CACNB2: variants seen among roughly 807,000 people sequenced by gnomAD.
The protein encoded by CACNB2 is calcium voltage-gated channel auxiliary subunit beta 2, also known as voltage-dependent L-type calcium channel subunit beta-2.
Under a neutral mutation model 73.3 loss-of-function variants are expected in CACNB2, and 42 were observed. The ratio of observed to expected loss-of-function variants is 0.57; its 90% confidence interval spans 0.45 to 0.74. CACNB2 has a LOEUF of 0.74. CACNB2 is among the 30% of genes least tolerant of loss of function. The pLI, the probability that CACNB2 is intolerant of heterozygous loss-of-function variation, is 0.00. For missense variants in CACNB2, 940 were observed against 853.0 expected, an observed-to-expected ratio of 1.10 and a Z score of -1.27; for synonymous variants, 348 against 310.3, an observed-to-expected ratio of 1.12 and a Z score of -1.28.
intron 2 of CACNB2, among the ~76,000 whole-genome samples, chr10:18,304,600 T>C (rs992221895): frequency 3.3e-5 from 5 of 152,144 alleles, no homozygotes; most frequent in African/African-American, 1.2e-4. Context: ...CCAGGCTTCG[T>C]GGGCTAGGGA....
intron 2 of CACNB2, among the ~76,000 whole-genome samples, chr10:18,246,265 T>C (rs1353210337): frequency 6.6e-6 from 1 of 152,194 alleles, no homozygotes; most frequent in African/African-American, 2.4e-5. Flanking sequence ...GAAGGATGGT[T>C]ACAATAATTA....
chr10:18,531,174 A>G (rs1037615828), intron 10 of CACNB2, among the ~76,000 whole-genome samples: 1 of 152,226 alleles, frequency 6.6e-6, no homozygotes, highest in African/African-American at 2.4e-5. Context: ...AGCCGCAATG[A>G]AAGTAACCAT....
At chr10:18,326,260 A>T (rs55944448) in intron 2 of CACNB2, among the ~76,000 whole-genome samples, 1,611 of 152,328 alleles carry the variant, frequency 0.011, 33 homozygotes, top group African/African-American at 0.036. Flanking sequence ...CCTTGAGTCA[A>T]AATTGGAATT....
rs558819492 is a variant in CACNB2 at position 18,447,633 on chromosome 10, AC to A, written c.333+45591del. 1.3e-4 allele frequency among the ~76,000 whole-genome samples: 20 copies of A among 152,182 alleles called. No individual in the cohort carries two copies. The South Asian group carries it at 4.2e-3, about 32-fold the overall frequency. On this transcript the variant is annotated intron_variant, in intron 3 of 13. Coordinates refer to ENST00000324631, the MANE Select transcript of CACNB2 (RefSeq NM_201596.3). ...GGAGCTTTAAAGTTTGGAAAATAAGACATGATCACTGGCTTTGGAAAGAATT... is the reference window on the plus strand; with the variant it reads ...GGAGCTTTAAAGTTTGGAAAATAAGAATGATCACTGGCTTTGGAAAGAATT...
intron 2 of CACNB2, among the ~76,000 whole-genome samples, chr10:18,280,519 T>C (rs1391900986): frequency 6.6e-6 from 1 of 152,088 alleles, no homozygotes; most frequent in Non-Finnish European, 1.5e-5. Flanking sequence ...AAAGGTACTC[T>C]CTTTGAGTGG....
At chr10:18,494,230 A>T (rs1381412437) in intron 3 of CACNB2, among the ~76,000 whole-genome samples, 2 of 152,182 alleles carry the variant, frequency 1.3e-5, no homozygotes, top group Admixed American at 1.3e-4. Context: ...GGTAGAAGTC[A>T]TAAGATTTTC....
At chr10:18,504,218 G>T (rs560304004) in intron 5 of CACNB2, among the ~76,000 whole-genome samples, 5 of 152,178 alleles carry the variant, frequency 3.3e-5, no homozygotes, top group Non-Finnish European at 7.4e-5. Context: ...ACAGGTCACA[G>T]ATGAGAAAAC....
chr10:18,403,917 C>T (rs1465510843), intron 3 of CACNB2, among the ~76,000 whole-genome samples: 2 of 150,282 alleles, frequency 1.3e-5, no homozygotes. Context: ...TATTTGATAG[C>T]ACAATAGGGT....
At chr10:18,467,397 A>C (rs1406127435) in intron 3 of CACNB2, among the ~76,000 whole-genome samples, 2 of 152,208 alleles carry the variant, frequency 1.3e-5, no homozygotes, top group African/African-American at 4.8e-5. Flanking sequence ...TTTGAGGTCC[A>C]CAAATATTTA....
At chr10:18,192,974 G>C (rs1273072934) in intron 2 of CACNB2, among the ~76,000 whole-genome samples, 1 of 152,108 alleles carries the variant, frequency 6.6e-6, no homozygotes, top group African/African-American at 2.4e-5. Flanking sequence ...ACTTGTTTGA[G>C]TCCCTGTTTT....
At chr10:18,513,814 C>G (rs2051011872) in intron 6 of CACNB2, among the ~76,000 whole-genome samples, 1 of 152,210 alleles carries the variant, frequency 6.6e-6, no homozygotes, top group South Asian at 2.1e-4. Context: ...ACCGCAATTA[C>G]TTTTGCATTC....
At chr10:18,375,013 C>T (rs1422999689) in intron 2 of CACNB2, among the ~76,000 whole-genome samples, 1 of 152,134 alleles carries the variant, frequency 6.6e-6, no homozygotes, top group African/African-American at 2.4e-5. Flanking sequence ...TTTGTTAAAA[C>T]TTGAAAATGC....
intron 3 of CACNB2, among the ~76,000 whole-genome samples, chr10:18,411,654 A>C (rs1443560627): frequency 2.6e-5 from 4 of 151,924 alleles, no homozygotes; most frequent in Non-Finnish European, 5.9e-5. Flanking sequence ...GATTGCAGGC[A>C]CCTGCCACCA....
At chr10:18,148,577 A>G (rs2031220388) in intron 1 of CACNB2, among the ~76,000 whole-genome samples, 1 of 152,236 alleles carries the variant, frequency 6.6e-6, no homozygotes, top group South Asian at 2.1e-4. Context: ...CTGTTGTACA[A>G]TTGTAAGCAA....
chr10:18,521,401 A>C (rs1395536788), intron 9 of CACNB2, among the ~76,000 whole-genome samples: 1 of 152,166 alleles, frequency 6.6e-6, no homozygotes, highest in Non-Finnish European at 1.5e-5. Context: ...CATTATGTGT[A>C]AGGCAACTCA....
At chr10:18,385,523 A>T (rs187969229) in intron 2 of CACNB2, among the ~76,000 whole-genome samples, 10 of 151,542 alleles carry the variant, frequency 6.6e-5, no homozygotes, top group African/African-American at 1.9e-4. Flanking sequence ...GCTACTAGGG[A>T]GGCTGAGGCA....
At chr10:18,241,332 A>C (rs1317104285) in intron 2 of CACNB2, among the ~76,000 whole-genome samples, 2 of 152,204 alleles carry the variant, frequency 1.3e-5, no homozygotes, top group African/African-American at 2.4e-5. Context: ...AAGAGACTAC[A>C]TTTAAGTGGT....
chr10:18,457,814 C>G (rs560228043), intron 3 of CACNB2, among the ~76,000 whole-genome samples: 1 of 151,842 alleles, frequency 6.6e-6, no homozygotes, highest in Non-Finnish European at 1.5e-5. Flanking sequence ...CACTTGAACC[C>G]GGGAGGCGGA....
intron 3 of CACNB2, among the ~76,000 whole-genome samples, chr10:18,493,413 A>G (rs1313348769): frequency 6.6e-6 from 1 of 151,952 alleles, no homozygotes; most frequent in Non-Finnish European, 1.5e-5. Flanking sequence ...TGATCCGCCC[A>G]CCTCTGCCTC....
Sources: allele counts gnomAD v4.1 joint callset (sites outside exome capture counted in the v4.1 genomes callset), GRCh38; gene constraint gnomAD v4.1.1; transcripts MANE v1.5; gene names NCBI Gene and HGNC (gene_info 2026-07-23, HGNC 2026-07-21).